The following WDPCP variants were observed in gnomAD, a reference collection of about 807,000 sequenced individuals.
The protein encoded by WDPCP is WD repeat-containing and planar cell polarity effector protein fritz homolog.
In WDPCP, 71 loss-of-function variants were observed where a neutral mutation model predicts 93.1. The observed-to-expected ratio is 0.76, with a 90% CI of 0.63 to 0.93. WDPCP has a LOEUF of 0.93. Among genes scored for constraint, WDPCP ranks in the 40% least tolerant of loss-of-function variants. The pLI, the probability that WDPCP is intolerant of heterozygous loss-of-function variation, is 0.00. For synonymous variants in WDPCP, 315 were observed against 315.0 expected (o/e 1.00, Z 0.00); for missense variants, 844 against 887.4 (o/e 0.95, Z 0.62).
At position 63,576,144 on chromosome 2, in the gene WDPCP, C is replaced by T. The variant is rs528094528; in HGVS notation, c.75+12053G>A. On this transcript the variant is annotated intron_variant, in intron 1 of 17. Transcript: ENST00000272321. Reference sequence around the variant, plus strand: ...GCAATCCTCTAGCAGATACCAAATGCGTTGTCCTATAATTTAAGTCAATTC... The same window carrying T: ...GCAATCCTCTAGCAGATACCAAATGTGTTGTCCTATAATTTAAGTCAATTC... 6.6e-5 allele frequency among the ~76,000 whole-genome samples: 10 copies of T among 152,230 alleles called. No individual in the cohort carries two copies. In the East Asian group the frequency reaches 1.2e-3, roughly 18 times the overall value.
At chr2:63,434,836 G>A (rs1449201219) in intron 8 of WDPCP, among the ~76,000 whole-genome samples, 1 of 152,054 alleles carries the variant, frequency 6.6e-6, no homozygotes, top group African/African-American at 2.4e-5. Flanking sequence ...CTGTCTGCAA[G>A]GCAACAAAGG....
chr2:63,363,725 G>T (rs1690669923), intron 12 of WDPCP, among the ~76,000 whole-genome samples: 1 of 116,774 alleles, frequency 8.6e-6, no homozygotes, highest in Non-Finnish European at 1.7e-5. Context: ...AAAGTTAGGA[G>T]ATTAGGAAGA....
At chr2:63,560,169 G>A (rs1174856640) in intron 1 of WDPCP, among the ~76,000 whole-genome samples, 4 of 152,114 alleles carry the variant, frequency 2.6e-5, no homozygotes, top group Non-Finnish European at 1.5e-5. Flanking sequence ...CTTGCAGTGA[G>A]CCAAGATCGC....
chr2:63,237,620 C>T (rs1679511422), intron 14 of WDPCP, among the ~76,000 whole-genome samples: 1 of 152,116 alleles, frequency 6.6e-6, no homozygotes, highest in Non-Finnish European at 1.5e-5. Context: ...GGTACATATA[C>T]ACCATGGAAT....
chr2:63,358,620 C>A (rs1254762030), intron 12 of WDPCP, among the ~76,000 whole-genome samples: 8 of 152,096 alleles, frequency 5.3e-5, no homozygotes, highest in African/African-American at 1.4e-4. Context: ...TCACACCTGG[C>A]TAATTATTTT....
chr2:63,832,887 G>A, the WDPCP span, among the ~76,000 whole-genome samples: 8 of 152,174 alleles, frequency 5.3e-5, no homozygotes, highest in African/African-American at 9.7e-5. Context: ...GAGATTAATC[G>A]TATGATATGG....
At chr2:63,752,507 A>G in intron 2 of WDPCP, 1 of 753,722 alleles carries the variant, frequency 1.3e-6, no homozygotes, top group East Asian at 2.5e-5. Context: ...TCTCATGACC[A>G]CACAGCTTGT....
chr2:63,528,750 G>A (rs370514578), intron 1 of WDPCP, among the ~76,000 whole-genome samples: 1 of 152,182 alleles, frequency 6.6e-6, no homozygotes, highest in African/African-American at 2.4e-5. Flanking sequence ...ATTCTGTGAA[G>A]AAAGTCATTG....
chr2:63,210,318 A>T (rs1676672684), intron 14 of WDPCP, among the ~76,000 whole-genome samples: 1 of 152,170 alleles, frequency 6.6e-6, no homozygotes, highest in South Asian at 2.1e-4. Flanking sequence ...TGTATTTATT[A>T]TTCAAAAAAT....
intron 2 of WDPCP, among the ~76,000 whole-genome samples, chr2:63,710,912 G>C (rs537883734): frequency 6.6e-6 from 1 of 152,324 alleles, no homozygotes; most frequent in South Asian, 2.1e-4. Context: ...GGTATGAAAA[G>C]GCAGGCTCAT....
At chr2:63,245,631 A>C (rs1048292073) in intron 14 of WDPCP, among the ~76,000 whole-genome samples, 2 of 152,204 alleles carry the variant, frequency 1.3e-5, no homozygotes, top group Non-Finnish European at 2.9e-5. Context: ...TCAGTATTGC[A>C]GTGAACACAT....
chr2:63,388,100 C>A (rs1692895370), intron 10 of WDPCP, among the ~76,000 whole-genome samples: 1 of 152,090 alleles, frequency 6.6e-6, no homozygotes, highest in African/African-American at 2.4e-5. Context: ...CAATGACATT[C>A]TTCACAGAAT....
intron 3 of WDPCP, among the ~76,000 whole-genome samples, chr2:63,603,509 C>T (rs964327102): frequency 6.6e-6 from 1 of 152,124 alleles, no homozygotes; most frequent in Non-Finnish European, 1.5e-5. Flanking sequence ...AAATATTTTT[C>T]CACATTCCCT....
intron 2 of WDPCP, among the ~76,000 whole-genome samples, chr2:63,693,424 C>T (rs1438676883): frequency 1.4e-5 from 2 of 145,894 alleles, no homozygotes; most frequent in Admixed American, 7.1e-5. Flanking sequence ...CTATAGACTA[C>T]AGTAGATATA....
intron 1 of WDPCP, among the ~76,000 whole-genome samples, chr2:63,513,916 T>C (rs1280875425): frequency 6.6e-6 from 1 of 151,702 alleles, no homozygotes; most frequent in Non-Finnish European, 1.5e-5. Context: ...GTTAAATAAA[T>C]TTACTGTGCT....
rs559656420 is a variant in WDPCP at position 63,515,354 on chromosome 2, T to C, written c.76-22414A>G. Among the ~76,000 whole-genome samples, 3 of 152,248 alleles carry C rather than the reference T, an allele frequency of 2.0e-5. 1 individual carries two copies. Among genetic ancestry groups the C allele is most frequent in the African/African-American group, 7.2e-5 (3 of 41,542 alleles). ...TTGATATCTGAACATGATTTAGTTA[T>C]CTCAAATATAAACTTCATTGTGTGA... On this transcript the variant is annotated intron_variant, in intron 1 of 17. Transcript: ENST00000272321.
chr2:63,640,433 G>A (rs1709968965), intron 3 of WDPCP, among the ~76,000 whole-genome samples: 1 of 152,200 alleles, frequency 6.6e-6, no homozygotes, highest in Non-Finnish European at 1.5e-5. Context: ...GGTTGAGGCA[G>A]CAGTGAGCTG....
chr2:63,713,902 C>T (rs1196706170), intron 2 of WDPCP, among the ~76,000 whole-genome samples: 5 of 152,082 alleles, frequency 3.3e-5, no homozygotes, highest in African/African-American at 9.7e-5. Flanking sequence ...GTGGGCTTTG[C>T]GGCTAATTTG....
chr2:63,362,286 T>TGTGTGTGTGG, intron 12 of WDPCP, among the ~76,000 whole-genome samples: 1 of 121,876 alleles, frequency 8.2e-6, no homozygotes, highest in Non-Finnish European at 1.6e-5. Context: ...GTTGTGTGTG[T>TGTGTGTGTGG]GTGTGTGTGT....
Sources: allele counts gnomAD v4.1 joint callset (sites outside exome capture counted in the v4.1 genomes callset), GRCh38; gene constraint gnomAD v4.1.1; transcripts MANE v1.5; gene names NCBI Gene and HGNC (gene_info 2026-07-23, HGNC 2026-07-21).